Variants in PROM1 observed in about 807,000 individuals in gnomAD.
PROM1 encodes prominin-1.
Under a neutral mutation model 116.9 loss-of-function variants are expected in PROM1, and 105 were observed. The ratio of observed to expected loss-of-function variants is 0.90; its 90% confidence interval spans 0.77 to 1.06. PROM1 has a LOEUF of 1.06. Ranked by LOEUF, PROM1 falls within the 50% of genes least tolerant of loss-of-function variation. The pLI, the probability that PROM1 is intolerant of heterozygous loss-of-function variation, is 0.00. For missense variants in PROM1, 1,122 were observed against 1,045.2 expected (o/e 1.07, Z -1.01); for synonymous variants, 393 against 387.0 (o/e 1.02, Z -0.18).
chr4:16,036,156 T>C (rs1329384877), intron 3 of PROM1, among the ~76,000 whole-genome samples: 3 of 152,206 alleles, frequency 2.0e-5, no homozygotes, highest in African/African-American at 7.2e-5. Context: ...CAAGTGCCCT[T>C]TTCTAAAATA....
intron 2 of PROM1, among the ~76,000 whole-genome samples, chr4:16,054,124 C>T (rs1224268766): frequency 5.3e-5 from 8 of 152,096 alleles, no homozygotes; most frequent in African/African-American, 1.9e-4. Context: ...ATTTATAAGA[C>T]GTCTTACCTC....
intron 20 of PROM1, among the ~76,000 whole-genome samples, chr4:15,986,292 C>T (rs908499883): frequency 1.3e-5 from 2 of 152,122 alleles, no homozygotes; most frequent in Non-Finnish European, 2.9e-5. Context: ...TGGAAACTCA[C>T]AACGAGGCAG....
intron 23 of PROM1, among the ~76,000 whole-genome samples, chr4:15,981,729 G>A (rs1021607684): frequency 1.9e-4 from 29 of 152,136 alleles, no homozygotes; most frequent in Non-Finnish European, 3.5e-4. Context: ...AATGTTTCAC[G>A]TTTAATTTAA....
At chr4:16,045,020 G>C (rs746455568) in intron 2 of PROM1, among the ~76,000 whole-genome samples, 11 of 152,184 alleles carry the variant, frequency 7.2e-5, no homozygotes, top group Non-Finnish European at 1.6e-4. Flanking sequence ...GAGCACTACA[G>C]ATGCTAAGAG....
chr4:15,979,355 T>G (rs1717128534), intron 26 of PROM1, 40 bp downstream of exon 26: 1 of 1,613,278 alleles, frequency 6.2e-7, no homozygotes, highest in East Asian at 2.2e-5. Flanking sequence ...ATGAGACGGT[T>G]TATCATAGGG....
intron 15 of PROM1, among the ~76,000 whole-genome samples, chr4:15,994,277 C>A (rs1188505459): frequency 6.6e-6 from 1 of 152,196 alleles, no homozygotes; most frequent in Non-Finnish European, 1.5e-5. Flanking sequence ...CAGTCCTGTT[C>A]TTGGAAGAGA....
At chr4:16,036,029 C>T (rs377317006) in intron 3 of PROM1, among the ~76,000 whole-genome samples, 1 of 152,158 alleles carries the variant, frequency 6.6e-6, no homozygotes, top group Non-Finnish European at 1.5e-5. Flanking sequence ...GTATGCTAAT[C>T]GGTTACGCAA....
chr4:16,024,371 C>T lies in PROM1; in HGVS notation c.631-13G>A, dbSNP rs563230933. On this transcript the variant is annotated splice_polypyrimidine_tract_variant and intron_variant, in intron 6 of 27. Coordinates refer to ENST00000447510, the MANE Select transcript of PROM1 (RefSeq NM_006017.3). The stretch of plus-strand genomic sequence containing the variant: ...TATATTTGATTTGCTGAAAAAAGAA[C>T]ATTCTGTGAAACCTCCCCTTCTAAG... 1.2e-6 allele frequency: 2 copies of T among 1,604,962 alleles called. No homozygotes were observed. The highest frequency in any genetic ancestry group is 2.7e-5 in the African/African-American group (2 of 74,570).
intron 5 of PROM1, among the ~76,000 whole-genome samples, chr4:16,026,828 A>G (rs577555209): frequency 3.9e-5 from 6 of 152,334 alleles, no homozygotes; most frequent in African/African-American, 1.2e-4. Flanking sequence ...CCTATGGTCA[A>G]CAAGTTGCAG....
chr4:15,976,423 C>A (rs1439180918), intron 26 of PROM1, among the ~76,000 whole-genome samples: 5 of 152,210 alleles, frequency 3.3e-5, no homozygotes, highest in African/African-American at 1.2e-4. Flanking sequence ...AGAATTAAGT[C>A]TTTGACGCTA....
At chr4:16,009,783 T>C (rs866736877) in intron 11 of PROM1, among the ~76,000 whole-genome samples, 2 of 151,594 alleles carry the variant, frequency 1.3e-5, no homozygotes, top group Non-Finnish European at 2.9e-5. Context: ...CTACTAAAAA[T>C]ACAAAAATTA....
intron 9 of PROM1, among the ~76,000 whole-genome samples, chr4:16,017,666 C>T (rs538547823): frequency 3.5e-4 from 54 of 152,214 alleles, no homozygotes; most frequent in African/African-American, 1.2e-3. Flanking sequence ...ACTAAAAATA[C>T]GAAAATTAGC....
intron 5 of PROM1, among the ~76,000 whole-genome samples, chr4:16,031,112 A>G (rs1732601280): frequency 6.6e-6 from 1 of 152,238 alleles, no homozygotes; most frequent in African/African-American, 2.4e-5. Flanking sequence ...ATTCAGGTAA[A>G]TAAATAACTA....
chr4:16,062,483 A>T (rs887494172), intron 2 of PROM1, among the ~76,000 whole-genome samples: 4 of 152,228 alleles, frequency 2.6e-5, no homozygotes, highest in African/African-American at 4.8e-5. Context: ...GGAGCATTAA[A>T]AACCTAAGTC....
chr4:16,066,928 G>A (rs1320298355), intron 2 of PROM1, among the ~76,000 whole-genome samples: 1 of 152,146 alleles, frequency 6.6e-6, no homozygotes, highest in Non-Finnish European at 1.5e-5. Context: ...TTTATGTAGG[G>A]CAAGATAGGA....
Position 16,018,342 on chromosome 4 carries a change from C to A in PROM1, c.983G>T (p.Ser328Ile). ...SIRLSLSQLN[S>I]NPELRQLPPV... ...GCTCACCTGCCTCAGTTCAGGGTTG[C>A]TATTCAGCTGGCTTAGAGACAATCT... The change falls in exon 9 of 28, where the codon AGC becomes ATC. Residue 328 changes from serine (S) to isoleucine (I), a missense_variant. Transcript: ENST00000447510. 6.2e-7 allele frequency: 1 copy of A among 1,613,324 alleles called. No homozygotes were observed. The highest frequency in any genetic ancestry group is 8.5e-7 in the Non-Finnish European group (1 of 1,179,876).
At chr4:16,067,716 G>A (rs1268033618) in intron 2 of PROM1, among the ~76,000 whole-genome samples, 1 of 152,222 alleles carries the variant, frequency 6.6e-6, no homozygotes, top group African/African-American at 2.4e-5. Context: ...AGATGTTGGA[G>A]CCTGATCCTA....
intron 5 of PROM1, 146 bp downstream of exon 5, chr4:16,033,158 C>T: frequency 1.5e-6 from 1 of 676,114 alleles, no homozygotes; most frequent in Non-Finnish European, 2.4e-6. Context: ...TAGACAAGCG[C>T]TTGTGCTCTC....
rs199674847 is a variant in PROM1 at position 15,994,016 on chromosome 4, T to G, written c.1738A>C (p.Asn580His). The change falls in exon 16 of 28, where the codon AAT becomes CAT. Residue 580 changes from asparagine to histidine, a missense_variant. Physicochemically the swap from Asn to His is moderately conservative, Grantham distance 68. Coordinates refer to ENST00000447510, the MANE Select transcript of PROM1 (RefSeq NM_006017.3). ...YGTLHLQNSFNISEHLNINEH... is the reference protein window; with the variant it reads ...YGTLHLQNSFHISEHLNINEH... The stretch of plus-strand genomic sequence containing the variant: ...TTAATGTTGAGATGTTCACTGATAT[T>G]GAAGCTGTTCTGCAGGTGAAGAGTG... The G allele has an allele frequency of 1.2e-4, 192 of 1,614,014 alleles. No individual in the cohort carries two copies. In the East Asian group the frequency reaches 4.2e-3, roughly 35 times the overall value.
Sources: gnomAD v4.1 joint callset for allele counts (sites outside exome capture counted in the v4.1 genomes callset) on GRCh38, gnomAD v4.1.1 for gene constraint, MANE v1.5 for transcripts, NCBI Gene and HGNC (gene_info 2026-07-23, HGNC 2026-07-21) for gene names.